The following ZFHX4 variants were observed in gnomAD, a reference collection of about 807,000 sequenced individuals.
The protein encoded by ZFHX4 is zinc finger homeobox protein 4.
Under a neutral mutation model 267.6 loss-of-function variants are expected in ZFHX4, and 56 were observed. The observed-to-expected ratio is 0.21, with a 90% confidence interval of 0.17 to 0.26. The LOEUF is 0.26. Ranked by LOEUF, ZFHX4 falls within the 10% of genes least tolerant of loss-of-function variation. ZFHX4 has a pLI of 1.00. For missense variants in ZFHX4, 4,332 were observed against 4,420.0 expected (o/e 0.98, Z 0.56); for synonymous variants, 1,778 against 1,665.6 (o/e 1.07, Z -1.64).
intron 4 of ZFHX4, among the ~76,000 whole-genome samples, chr8:76,782,466 G>A (rs934532951): frequency 1.3e-5 from 2 of 151,970 alleles, no homozygotes; most frequent in African/African-American, 2.4e-5. Flanking sequence ...GAAAGAAATA[G>A]TGAATACTTT....
chr8:76,752,793 C>T (rs867919207), intron 3 of ZFHX4, among the ~76,000 whole-genome samples: 18 of 152,304 alleles, frequency 1.2e-4, no homozygotes, highest in Middle Eastern at 3.4e-3. Context: ...TTTTTACATT[C>T]ACTGGAATTT....
intron 1 of ZFHX4, among the ~76,000 whole-genome samples, chr8:76,686,314 G>A (rs960664299): frequency 2.0e-5 from 3 of 152,022 alleles, no homozygotes; most frequent in South Asian, 2.1e-4. Context: ...TGTCTATTTG[G>A]GTTTGAAAAG....
In ZFHX4 at chr8:76,813,863, C is replaced by G. The variant is rs532123056; in HGVS notation, c.3326-19475C>G. ...CTTGGGAATATGTAAGCATATGATT[C>G]CAAAGCATTTGATTATTTCAGTTTA... On this transcript the variant is annotated intron_variant, in intron 4 of 10. Coordinates refer to ENST00000651372, the MANE Select transcript of ZFHX4 (RefSeq NM_024721.5). Among the ~76,000 whole-genome samples the G allele has an allele frequency of 1.4e-4, 21 of 152,180 alleles. No individual in the cohort carries two copies. The South Asian group carries it at 4.4e-3, about 32-fold the overall frequency.
At position 76,681,440 on chromosome 8, in the gene ZFHX4, C is replaced by T. The variant is rs1214785551; in HGVS notation, c.-227C>T. 2.5e-6 allele frequency: 1 copy of T among 398,562 alleles called. No individual in the cohort carries two copies. Among genetic ancestry groups the T allele is most frequent in the South Asian group, 1.3e-4 (1 of 7,824 alleles). The allele number at this position is 398,562 out of a possible 1,614,324, so 24.7% of individuals were successfully genotyped here. ...CCGGACCCCCGAGGACCGCTCCATGCCCCCCACTTTCTGCTCCAGCGTTTT... is the reference window on the plus strand; with the variant it reads ...CCGGACCCCCGAGGACCGCTCCATGTCCCCCACTTTCTGCTCCAGCGTTTT... On this transcript the variant is annotated 5_prime_UTR_variant, in exon 1 of 11. Coordinates refer to ENST00000651372, the MANE Select transcript of ZFHX4 (RefSeq NM_024721.5).
chr8:76,800,085 G>A (rs1811080181), intron 4 of ZFHX4, among the ~76,000 whole-genome samples: 1 of 151,932 alleles, frequency 6.6e-6, no homozygotes, highest in Non-Finnish European at 1.5e-5. Flanking sequence ...TGTGTGTTGT[G>A]GGGAGGGTCC....
At chr8:76,795,628 C>A (rs1037163304) in intron 4 of ZFHX4, among the ~76,000 whole-genome samples, 2 of 149,334 alleles carry the variant, frequency 1.3e-5, no homozygotes, top group East Asian at 4.0e-4. Flanking sequence ...CTCACCGCAA[C>A]CTCTGCCTCC....
In ZFHX4 at chr8:76,707,545, G is replaced by A; in HGVS notation, c.2591-1G>A. ...TTCCTTTTAATTTTTTTTTCCTGTA[G>A]TAAATAATGAGCTGCCGCCTGAAAT... On this transcript the variant is annotated splice_acceptor_variant, in intron 2 of 10. Coordinates refer to ENST00000651372, the MANE Select transcript of ZFHX4 (RefSeq NM_024721.5). LOFTEE classifies it high-confidence loss of function. The A allele has an allele frequency of 6.5e-7, 1 of 1,546,474 alleles. No individual in the cohort carries two copies. Among genetic ancestry groups the A allele is most frequent in the African/African-American group, 1.4e-5 (1 of 72,386 alleles).
rs1244716496 is a variant in ZFHX4, at chr8:76,784,998, A to G, written c.3325+6559A>G. 2.0e-5 allele frequency among the ~76,000 whole-genome samples: 3 copies of G among 152,124 alleles called. No individual in the cohort carries two copies. The East Asian group carries it at 5.8e-4, about 29-fold the overall frequency. ...TATTAATTAGATCTCTTCATTTCTA[A>G]TAGTTGCAAATATTTAAATTTGGTA... On this transcript the variant is annotated intron_variant, in intron 4 of 10. Transcript: ENST00000651372.
intron 1 of ZFHX4, among the ~76,000 whole-genome samples, chr8:76,701,791 A>G (rs745331462): frequency 2.0e-5 from 3 of 152,092 alleles, no homozygotes; most frequent in Non-Finnish European, 2.9e-5. Flanking sequence ...ACTCTTTCTA[A>G]TTAAAGTGAA....
rs770449887 is a variant in ZFHX4, at chr8:76,704,638, C to T, written c.550C>T (p.Pro184Ser). 9.1e-5 allele frequency: 147 copies of T among 1,613,880 alleles called. 5 individuals carry two copies. In the Middle Eastern group the frequency reaches 2.1e-3, roughly 23 times the overall value. The part of the protein sequence containing the change: ...GEKSDQSASA[P>S]MSFYPQIINT... ...GAAGAGTGATCAGTCTGCTTCTGCACCTATGTCGTTCTACCCACAGATCAT... is the reference window on the plus strand; with the variant it reads ...GAAGAGTGATCAGTCTGCTTCTGCATCTATGTCGTTCTACCCACAGATCAT... The change falls in exon 2 of 11, where the codon CCT becomes TCT. Residue 184 changes from proline to serine, a missense_variant. By Grantham distance (74) the Pro-to-Ser change is moderately conservative (BLOSUM62 -1). Transcript: ENST00000651372.
chr8:76,697,058 G>A (rs920609228), intron 1 of ZFHX4, among the ~76,000 whole-genome samples: 4 of 151,924 alleles, frequency 2.6e-5, no homozygotes, highest in Admixed American at 6.6e-5. Flanking sequence ...TAGCCTGCAA[G>A]AAATGATTTT....
chr8:76,810,134 T>C (rs1039540450), intron 4 of ZFHX4, among the ~76,000 whole-genome samples: 3 of 152,216 alleles, frequency 2.0e-5, no homozygotes, highest in Non-Finnish European at 4.4e-5. Flanking sequence ...TATAAACTCT[T>C]TCACTGTTCT....
chr8:76,819,689 C>T (rs1439644105), intron 4 of ZFHX4, among the ~76,000 whole-genome samples: 4 of 152,268 alleles, frequency 2.6e-5, no homozygotes, highest in South Asian at 2.1e-4. Context: ...ATTGTGCAAC[C>T]GTTTCACGGG....
chr8:76,744,949 T>G (rs556617377), intron 3 of ZFHX4, among the ~76,000 whole-genome samples: 18 of 152,190 alleles, frequency 1.2e-4, no homozygotes, highest in African/African-American at 3.9e-4. Flanking sequence ...GAAATCTGGT[T>G]TTTGAAAAAA....
chr8:76,790,178 C>A (rs1810797798), intron 4 of ZFHX4, among the ~76,000 whole-genome samples: 1 of 151,998 alleles, frequency 6.6e-6, no homozygotes, highest in Non-Finnish European at 1.5e-5. Flanking sequence ...ATACATGGTC[C>A]AAGGCATTTT....
In ZFHX4 at chr8:76,863,164, C is replaced by T; in HGVS notation, c.9450C>T (p.Leu3150=). The part of the protein sequence containing the change: ...TSATSSPALS[L]SSAPTKPLLQ... The stretch of plus-strand genomic sequence containing the variant: ...CTACTTCGTCTCCTGCCCTGTCTCT[C>T]AGCAGTGCCCCCACCAAACCTTTGC... Residue 3150 remains leucine, a synonymous_variant, in exon 11 of 11, where the codon CTC becomes CTT. Transcript: ENST00000651372. 1.9e-6 allele frequency: 3 copies of T among 1,553,378 alleles called. No homozygotes were observed. The highest frequency in any genetic ancestry group is 2.6e-6 in the Non-Finnish European group (3 of 1,148,066).
chr8:76,777,889 T>G (rs1435041110), intron 3 of ZFHX4, among the ~76,000 whole-genome samples: 6 of 151,780 alleles, frequency 4.0e-5, no homozygotes, highest in Admixed American at 2.6e-4. Flanking sequence ...TTTTTTGTTT[T>G]TTTTTTTTCT....
chr8:76,684,273 G>A (rs898288177), intron 1 of ZFHX4, among the ~76,000 whole-genome samples: 8 of 151,898 alleles, frequency 5.3e-5, no homozygotes, highest in African/African-American at 1.9e-4. Context: ...AATCCTTAAG[G>A]GAATATTTGA....
chr8:76,746,101 A>G (rs1378424294), intron 3 of ZFHX4, among the ~76,000 whole-genome samples: 2 of 152,276 alleles, frequency 1.3e-5, no homozygotes, highest in South Asian at 4.1e-4. Flanking sequence ...TTGGTGTATA[A>G]ATTGCTTTAA....
Sources: gnomAD v4.1 joint callset for allele counts (sites outside exome capture counted in the v4.1 genomes callset) on GRCh38, gnomAD v4.1.1 for gene constraint, MANE v1.5 for transcripts, NCBI Gene and HGNC (gene_info 2026-07-23, HGNC 2026-07-21) for gene names.